Variants in HERC1 observed in about 807,000 individuals in gnomAD.
HERC1 encodes probable E3 ubiquitin-protein ligase HERC1.
HERC1 carries 160 observed loss-of-function variants against 554.3 expected under a neutral mutation model. The ratio of observed to expected loss-of-function variants is 0.29; its 90% confidence interval spans 0.25 to 0.33. The LOEUF (loss-of-function observed/expected upper bound fraction) is 0.33. Ranked by LOEUF, HERC1 falls within the 10% of genes least tolerant of loss-of-function variation. The pLI is 1.00. For missense variants in HERC1, 4,919 were observed against 5,918.5 expected (o/e 0.83, Z 5.54); for synonymous variants, 2,175 against 2,131.7 (o/e 1.02, Z -0.56).
At chr15:63,609,684 G>A (rs1213825775) in intron 77 of HERC1, among the ~76,000 whole-genome samples, 6 of 152,088 alleles carry the variant, frequency 3.9e-5, no homozygotes, top group African/African-American at 7.2e-5. Context: ...TGGAAAGAAC[G>A]ACTGTGAGGT....
rs959001767 is a variant in HERC1, at chr15:63,613,816, C to G, written c.14095-1260G>C. On this transcript the variant is annotated intron_variant, in intron 76 of 77. Coordinates refer to ENST00000443617, the MANE Select transcript of HERC1 (RefSeq NM_003922.4). ...TCCAGCCTGGGTGACAGAGCAAGAC[C>G]CTCTCTTAAAAAATAAAATAATAAA... Among the ~76,000 whole-genome samples, 7 of 151,844 alleles carry G rather than the reference C, an allele frequency of 4.6e-5. No homozygotes were observed. The East Asian group carries it at 1.2e-3, about 25-fold the overall frequency.
chr15:63,664,354 T>C lies in HERC1; in HGVS notation c.8680+116A>G, dbSNP rs1293159831. ...AATGATATCCAAATAGCTGTTCTGT[T>C]AATGTGGAGGGACTGAGCACTTAGT... On this transcript the variant is annotated intron_variant, in intron 43 of 77. Coordinates refer to ENST00000443617, the MANE Select transcript of HERC1 (RefSeq NM_003922.4). The C allele has an allele frequency of 3.6e-6, 3 of 823,622 alleles. No homozygotes were observed. In the Admixed American group the frequency reaches 7.5e-5, roughly 21 times the overall value. 51.0% of individuals were successfully genotyped at this position (823,622 alleles called of 1,614,324 possible). A position where few individuals can be genotyped will look rare whatever the true frequency, so the allele number is the denominator to read the frequency against.
Position 63,661,800 on chromosome 15 carries a change from C to T in HERC1, c.9123G>A (p.Glu3041=), listed in dbSNP as rs369142360. Residue 3041 remains glutamate (E), a synonymous_variant, in exon 45 of 78, where the codon GAG becomes GAA. Coordinates refer to ENST00000443617, the MANE Select transcript of HERC1 (RefSeq NM_003922.4). ...ATTTGGTCTTCATGGCTAAGTACTT[C>T]TCCCTGCAGGTGCCACATAACAGGT... ...PYYLLCGTCR[E]KYLAMKTKSK... 6.2e-7 allele frequency: 1 copy of T among 1,613,974 alleles called. No homozygotes were observed. The highest frequency in any genetic ancestry group is 8.5e-7 in the Non-Finnish European group (1 of 1,179,876).
At chr15:63,660,520 C>T (rs1343233044) in intron 46 of HERC1, among the ~76,000 whole-genome samples, 1 of 152,082 alleles carries the variant, frequency 6.6e-6, no homozygotes, top group Non-Finnish European at 1.5e-5. Flanking sequence ...GCAAATGCTA[C>T]AGCTGGTAAT....
Position 63,615,780 on chromosome 15 carries a change from C to T in HERC1, c.14082G>A (p.Glu4694=). Reference sequence around the variant, plus strand: ...TGTTTCATCTCACCTGTCTGTCCATCTCATGAAGTCGATATTCAATGGCCC... The same window carrying T: ...TGTTTCATCTCACCTGTCTGTCCATTTCATGAAGTCGATATTCAATGGCCC... ...VERAIEYRLH[E]MDRQVAAVRE... Residue 4694 remains glutamate (E), a synonymous_variant, in exon 76 of 78, where the codon GAG becomes GAA. Transcript: ENST00000443617. 1.9e-6 allele frequency: 3 copies of T among 1,593,668 alleles called. No homozygotes were observed. The highest frequency in any genetic ancestry group is 2.3e-5 in the South Asian group (2 of 86,420).
chr15:63,615,452 A>C (rs770555978), intron 76 of HERC1, among the ~76,000 whole-genome samples: 5 of 152,148 alleles, frequency 3.3e-5, no homozygotes, highest in Non-Finnish European at 5.9e-5. Flanking sequence ...CTACCAAAAA[A>C]TAAAAAGATT....
At position 63,648,063 on chromosome 15, in the gene HERC1, A is replaced by T. The variant is rs2032499250; in HGVS notation, c.10878+6T>A. On this transcript the variant is annotated splice_donor_region_variant and intron_variant, in intron 55 of 77. Transcript: ENST00000443617. ...ATAAAATTACGTTTTTTAAAGATGC[A>T]TTTACCTTATGTGCATCAATTAGAA... The T allele has an allele frequency of 6.4e-7, 1 of 1,552,226 alleles. No homozygotes were observed. Among genetic ancestry groups the T allele is most frequent in the Admixed American group, 2.0e-5 (1 of 50,940 alleles).
chr15:63,635,501 T>C (rs917172708), intron 65 of HERC1, among the ~76,000 whole-genome samples: 1 of 152,184 alleles, frequency 6.6e-6, no homozygotes, highest in African/African-American at 2.4e-5. Flanking sequence ...AATGAGATAA[T>C]AAATGGGGAA....
Position 63,675,041 on chromosome 15 carries a change from C to G in HERC1, c.7147G>C (p.Ala2383Pro). 1.2e-6 allele frequency: 2 copies of G among 1,614,018 alleles called. No individual in the cohort carries two copies. Among genetic ancestry groups the G allele is most frequent in the Non-Finnish European group, 1.7e-6 (2 of 1,179,878 alleles). The change falls in exon 38 of 78, where the codon GCG becomes CCG. Residue 2383 changes from alanine to proline, a missense_variant. Ala to Pro is a conservative substitution (Grantham distance 27). Around this residue, in one of 11 missense-constraint regions of HERC1, gnomAD observed 1,963 missense variants for 2,228.6 expected, o/e 0.88. Coordinates refer to ENST00000443617, the MANE Select transcript of HERC1 (RefSeq NM_003922.4). Reference protein sequence around the residue: ...EPCEPLPFDVARFRGLTASVL... With the variant: ...EPCEPLPFDVPRFRGLTASVL... ...GAAGCCGTCAGGCCTCGGAATCGCGCCACATCAAACGGCAATGGTTCACAG... is the reference window on the plus strand; with the variant it reads ...GAAGCCGTCAGGCCTCGGAATCGCGGCACATCAAACGGCAATGGTTCACAG...
chr15:63,790,436 G>C (rs1443398045), intron 1 of HERC1, among the ~76,000 whole-genome samples: 1 of 151,928 alleles, frequency 6.6e-6, no homozygotes, highest in Non-Finnish European at 1.5e-5. Context: ...AATTAGCCGG[G>C]GGTAGTGGCG....
At chr15:63,816,389 T>C (rs1462830910) in intron 1 of HERC1, among the ~76,000 whole-genome samples, 2 of 152,232 alleles carry the variant, frequency 1.3e-5, no homozygotes, top group Admixed American at 6.5e-5. Context: ...TGCTGTCTTA[T>C]GTAAACTCAA....
intron 34 of HERC1, among the ~76,000 whole-genome samples, chr15:63,684,733 C>T (rs2071655858): frequency 2.0e-5 from 3 of 152,120 alleles, no homozygotes; most frequent in South Asian, 2.1e-4. Context: ...TTGGGCCAGG[C>T]GCGGTGGCTC....
intron 1 of HERC1, among the ~76,000 whole-genome samples, chr15:63,785,071 A>G (rs912330288): frequency 6.6e-6 from 1 of 152,216 alleles, no homozygotes; most frequent in Non-Finnish European, 1.5e-5. Context: ...AATCAAGGGA[A>G]TGTAGTCAAA....
intron 1 of HERC1, among the ~76,000 whole-genome samples, chr15:63,782,671 G>C (rs527629873): frequency 6.6e-6 from 1 of 152,174 alleles, no homozygotes; most frequent in Non-Finnish European, 1.5e-5. Context: ...CATTTTGTAA[G>C]GCTATAGCTG....
intron 1 of HERC1, among the ~76,000 whole-genome samples, chr15:63,780,800 C>G (rs2076266749): frequency 6.6e-6 from 1 of 151,646 alleles, no homozygotes; most frequent in African/African-American, 2.4e-5. Context: ...CTGTAAAATT[C>G]ACCTATTAAA....
chr15:63,643,459 C>A lies in HERC1; in HGVS notation c.11276G>T (p.Gly3759Val). The change falls in exon 58 of 78, where the codon GGG becomes GTG. Residue 3759 changes from glycine (G) to valine (V), a missense_variant. Coordinates refer to ENST00000443617, the MANE Select transcript of HERC1 (RefSeq NM_003922.4). ...PVRTVAFSSDGLALVSGGLGG... is the reference protein window; with the variant it reads ...PVRTVAFSSDVLALVSGGLGG... ...TAGTCCACCAGACACCAGGGCCAACCCATCAGAACTAAAGGCAACAGTCCG... is the reference window on the plus strand; with the variant it reads ...TAGTCCACCAGACACCAGGGCCAACACATCAGAACTAAAGGCAACAGTCCG... 1.2e-6 allele frequency: 2 copies of A among 1,613,312 alleles called. No homozygotes were observed. Among genetic ancestry groups the A allele is most frequent in the Non-Finnish European group, 1.7e-6 (2 of 1,179,554 alleles).
At chr15:63,805,484 G>T (rs773921354) in intron 1 of HERC1, among the ~76,000 whole-genome samples, 4 of 152,194 alleles carry the variant, frequency 2.6e-5, no homozygotes, top group Non-Finnish European at 4.4e-5. Context: ...TAAGGAACAG[G>T]TGGAGAAGAT....
At chr15:63,681,673 C>T (rs1303774450) in intron 34 of HERC1, among the ~76,000 whole-genome samples, 1 of 152,128 alleles carries the variant, frequency 6.6e-6, no homozygotes, top group African/African-American at 2.4e-5. Flanking sequence ...ATGCTGAATA[C>T]CTGCTCTCCT....
At chr15:63,667,578 A>G (rs1278190814) in intron 40 of HERC1, among the ~76,000 whole-genome samples, 1 of 152,246 alleles carries the variant, frequency 6.6e-6, no homozygotes, top group Non-Finnish European at 1.5e-5. Context: ...TTTATTATGG[A>G]GCTTATGTGT....
Sources: allele counts gnomAD v4.1 joint callset (sites outside exome capture counted in the v4.1 genomes callset), GRCh38; gene constraint gnomAD v4.1.1; regional missense constraint gnomAD v4.1.1; transcripts MANE v1.5; gene names NCBI Gene and HGNC (gene_info 2026-07-23, HGNC 2026-07-21).